PFAS: variants seen among roughly 807,000 people sequenced by gnomAD.
PFAS encodes FGAM synthase.
In PFAS, 97 loss-of-function variants were observed where a neutral mutation model predicts 140.6. The observed-to-expected ratio is 0.69, with a 90% CI of 0.59 to 0.82. The LOEUF (loss-of-function observed/expected upper bound fraction) is 0.82, where lower values mean the gene tolerates loss of function less well. PFAS is among the 40% of genes least tolerant of loss of function. The probability of loss-of-function intolerance (pLI) is 0.00; values close to 1 mark genes in which losing one functional copy is unlikely to be tolerated. For missense variants in PFAS, 1,656 were observed against 1,780.2 expected, an observed-to-expected ratio of 0.93 and a Z score of 1.26; for synonymous variants, 679 against 718.8, an observed-to-expected ratio of 0.94 and a Z score of 0.88.
intron 4 of PFAS, 65 bp from the exon 5 acceptor site, chr17:8,255,437 G>A (rs1057001913): frequency 8.1e-7 from 1 of 1,239,724 alleles, no homozygotes; most frequent in South Asian, 1.5e-5. Flanking sequence ...AGGGTAGGAA[G>A]GTGGACCATT....
Position 8,269,824 on chromosome 17 carries a change from T to C in PFAS, c.*560T>C, listed in dbSNP as rs924452901. 11 of 152,552 alleles carry C rather than the reference T, an allele frequency of 7.2e-5. No individual in the cohort carries two copies. Among genetic ancestry groups the C allele is most frequent in the African/African-American group, 2.7e-4 (11 of 41,398 alleles). 9.4% of individuals were successfully genotyped at this position (152,552 alleles called of 1,614,324 possible). A position where few individuals can be genotyped will look rare whatever the true frequency, so the allele number is the denominator to read the frequency against. On this transcript the variant is annotated 3_prime_UTR_variant, in exon 28 of 28. Coordinates refer to ENST00000314666, the MANE Select transcript of PFAS (RefSeq NM_012393.3). ...AGTTTCTCAGCGTTTCTGGCTGTCT[T>C]AGGGCTGGCCTCAGAACCCAGCATT... is the stretch of plus-strand genomic sequence containing the variant.
chr17:8,250,838 A>T (rs925853651), intron 1 of PFAS, among the ~76,000 whole-genome samples: 1 of 152,270 alleles, frequency 6.6e-6, no homozygotes, highest in Non-Finnish European at 1.5e-5. Context: ...TAGGGTTTTT[A>T]AAAAAGAGTT....
rs1989736719 is a variant in PFAS, at chr17:8,264,619, C to T, written c.2049+18C>T. The T allele has an allele frequency of 6.3e-7, 1 of 1,582,738 alleles. No individual in the cohort carries two copies. Among genetic ancestry groups the T allele is most frequent in the Admixed American group, 1.9e-5 (1 of 53,918 alleles). On this transcript the variant is annotated intron_variant, in intron 17 of 27. Coordinates refer to ENST00000314666, the MANE Select transcript of PFAS (RefSeq NM_012393.3). ...CCAATAAGGTCCTCCCTGCACCCTT[C>T]CTCTGCCCCCTGCCTCCTTCCTCCG...
chr17:8,256,847 T>G lies in PFAS; in HGVS notation c.959T>G (p.Phe320Cys). ...TCTCTCTTTGCAGGAGTATGCCCCT[T>G]TAGTGGTGCAACCACTGGCACAGGG... ...THNFPTGVCP[F>C]SGATTGTGGR... Residue 320 changes from phenylalanine (F) to cysteine (C), a missense_variant, in exon 9 of 28, where the codon TTT (phenylalanine) becomes TGT (cysteine). Phe to Cys is a radical substitution (Grantham distance 205). Coordinates refer to ENST00000314666, the MANE Select transcript of PFAS (RefSeq NM_012393.3). 1.2e-6 allele frequency: 2 copies of G among 1,607,204 alleles called. No homozygotes were observed. Among genetic ancestry groups the G allele is most frequent in the South Asian group, 1.1e-5 (1 of 89,664 alleles).
chr17:8,266,015 A>T lies in PFAS; in HGVS notation c.2699A>T (p.Lys900Ile), dbSNP rs749994871. 2 of 1,603,444 alleles carry T rather than the reference A, an allele frequency of 1.2e-6. No individual in the cohort carries two copies. Among genetic ancestry groups the T allele is most frequent in the South Asian group, 2.2e-5 (2 of 89,386 alleles). ...TTCAGCATCACTCAGGGGCTGCTGA[A>T]AGGTGAGTGAAGACCCCTGGGGAGA... The part of the protein sequence containing the change: ...RAFSITQGLL[K>I]DRLLCSGHDV... The change falls in exon 21 of 28, where the codon AAA becomes ATA. Residue 900 changes from lysine (K) to isoleucine (I), a missense_variant and splice_region_variant. By Grantham distance (102) the Lys-to-Ile change is moderately radical. Around this residue, in one of 2 missense-constraint regions of PFAS, gnomAD observed 883 missense variants for 1,023.0 expected, o/e 0.86. Coordinates refer to ENST00000314666, the MANE Select transcript of PFAS (RefSeq NM_012393.3). The surrounding 1 kb of genome is among the most constrained non-coding windows in gnomAD (Gnocchi z 5.0).
chr17:8,264,772 G>C, intron 17 of PFAS, 123 bp from the exon 18 acceptor site: 1 of 987,974 alleles, frequency 1.0e-6, no homozygotes, highest in South Asian at 1.6e-5. Context: ...CTTCTAAGTA[G>C]AGCTGTTGTC....
In PFAS at chr17:8,266,214, C is replaced by T. The variant is rs1263459205; in HGVS notation, c.2702-20C>T. The T allele has an allele frequency of 1.4e-5, 22 of 1,613,226 alleles. No individual in the cohort carries two copies. The highest frequency in any genetic ancestry group is 1.8e-5 in the Non-Finnish European group (21 of 1,179,548). ...AGGTTTGGGTCCCGAGGTTGCTGAG[C>T]TTTCTTCTCCTTCCTCCAGACCGCC... On this transcript the variant is annotated intron_variant, in intron 21 of 27. Coordinates refer to ENST00000314666, the MANE Select transcript of PFAS (RefSeq NM_012393.3). This position sits in a 1 kb window ranked among gnomAD's most constrained non-coding sequence, Gnocchi z 5.0.
rs755786686 is a variant in PFAS at position 8,256,248 on chromosome 17, C to T, written c.681-19C>T. 3 of 1,611,438 alleles carry T rather than the reference C, an allele frequency of 1.9e-6. No individual in the cohort carries two copies. The East Asian group carries it at 6.7e-5, about 36-fold the overall frequency. On this transcript the variant is annotated intron_variant, in intron 6 of 27. Coordinates refer to ENST00000314666, the MANE Select transcript of PFAS (RefSeq NM_012393.3). The stretch of plus-strand genomic sequence containing the variant: ...CCCCGTTTCCACCTGCCTTCCCCTC[C>T]CTGCATCGCCCCCTGCAGCGAGCAC...
At chr17:8,265,698 G>C (rs1394346058) in intron 20 of PFAS, 59 bp downstream of exon 20, 1 of 1,496,564 alleles carries the variant, frequency 6.7e-7, no homozygotes, top group Non-Finnish European at 9.3e-7. Flanking sequence ...TTTGGCTCCT[G>C]CTTTGTGAGT....
chr17:8,263,498 C>T, intron 13 of PFAS, 77 bp from the exon 14 acceptor site: 1 of 1,271,680 alleles, frequency 7.9e-7, no homozygotes, highest in Non-Finnish European at 1.2e-6. Context: ...ATTACAGGCC[C>T]CTTTGGAGGC....
At chr17:8,265,711 TG>T (rs1567644724) in intron 20 of PFAS, 72 bp downstream of exon 20, 1 of 1,448,084 alleles carries the variant, frequency 6.9e-7, no homozygotes, top group Non-Finnish European at 9.7e-7. Context: ...TTGTGAGTGC[TG>T]GGCCCCCATC....
At position 8,255,493 on chromosome 17, in the gene PFAS, C is replaced by T. The variant is rs551183758; in HGVS notation, c.385-9C>T. 325 of 1,511,868 alleles carry T rather than the reference C, an allele frequency of 2.1e-4. No individual in the cohort carries two copies. In the South Asian group the frequency reaches 3.9e-3, roughly 18 times the overall value. The allele number at this position is 1,511,868 out of a possible 1,614,324, so 93.7% of individuals were successfully genotyped here. A position where few individuals can be genotyped will look rare whatever the true frequency, so the allele number is the denominator to read the frequency against. On this transcript the variant is annotated splice_polypyrimidine_tract_variant and intron_variant, in intron 4 of 27. Coordinates refer to ENST00000314666, the MANE Select transcript of PFAS (RefSeq NM_012393.3). ...TCACCCCTTGCCCTCTGTGTGTCTG[C>T]ACCCCTAGTTTGCCCACCCCCCGTC...
Position 8,255,903 on chromosome 17 carries a change from T to A in PFAS, c.673T>A (p.Ser225Thr). Residue 225 changes from serine to threonine, a missense_variant, in exon 6 of 28, where the codon TCC becomes ACC. Physicochemically the swap from Ser to Thr is moderately conservative, Grantham distance 58. This residue lies in a region of PFAS where 773 missense variants were observed against 757.3 expected (regional missense o/e 1.02). Transcript: ENST00000314666. ...STVEAFDLAQ[S>T]NSEHSRHWFF... ...TGTGGAGGCCTTTGACTTGGCGCAGTCCAATAGGTGAGGAGAAATGGGGTT... is the reference window on the plus strand; with the variant it reads ...TGTGGAGGCCTTTGACTTGGCGCAGACCAATAGGTGAGGAGAAATGGGGTT... The A allele has an allele frequency of 6.2e-7, 1 of 1,611,710 alleles. No homozygotes were observed. Among genetic ancestry groups the A allele is most frequent in the South Asian group, 1.1e-5 (1 of 91,028 alleles).
intron 6 of PFAS, 120 bp downstream of exon 6, chr17:8,256,030 GCT>G: frequency 2.4e-6 from 2 of 849,534 alleles, no homozygotes; most frequent in Non-Finnish European, 3.8e-6. Context: ...GAGGGCCTGG[GCT>G]CCCGTCATCC....
chr17:8,251,097 C>T lies in PFAS; in HGVS notation c.-80+1758C>T, dbSNP rs149055308. ...GTTCAAGAGATTGAGACCATCCTGGCGAACATGGTGAAACCCCATCTCTAC... is the reference window on the plus strand; with the variant it reads ...GTTCAAGAGATTGAGACCATCCTGGTGAACATGGTGAAACCCCATCTCTAC... On this transcript the variant is annotated intron_variant, in intron 1 of 27. Transcript: ENST00000314666. 5.8e-3 allele frequency among the ~76,000 whole-genome samples: 879 copies of T among 151,952 alleles called. 8 individuals are homozygous for T. Among genetic ancestry groups the T allele is most frequent in the South Asian group, 0.037 (179 of 4,818 alleles).
At chr17:8,248,003 C>G (rs2151564166), upstream of PFAS, 2 of 1,480,612 alleles carry the variant, frequency 1.4e-6, no homozygotes, top group Non-Finnish European at 1.8e-6. Context: ...GCAGCACTCA[C>G]GGAGGAAGGG....
intron 1 of PFAS, 100 bp from the exon 2 acceptor site, chr17:8,253,759 C>A: frequency 1.3e-6 from 1 of 763,732 alleles, no homozygotes; most frequent in Non-Finnish European, 1.9e-6. Flanking sequence ...GGCTGATCTC[C>A]AACTCCTGAC....
At chr17:8,263,742 C>G (rs112902379) in intron 14 of PFAS, 33 bp from the exon 15 acceptor site, 59,435 of 1,609,636 alleles carry the variant, frequency 0.037, 1,304 homozygotes, top group Non-Finnish European at 0.043. Flanking sequence ...TGCCCACTGG[C>G]CCTTCTCTTT....
intron 11 of PFAS, among the ~76,000 whole-genome samples, chr17:8,258,831 A>G (rs568170241): frequency 1.3e-5 from 2 of 151,936 alleles, no homozygotes. Flanking sequence ...CTAAAAAAAT[A>G]AAAAAATTAG....
Sources: allele counts gnomAD v4.1 joint callset (sites outside exome capture counted in the v4.1 genomes callset), GRCh38; gene constraint gnomAD v4.1.1; regional missense constraint gnomAD v4.1.1; non-coding constraint Gnocchi (gnomAD v3.1); transcripts MANE v1.5; gene names NCBI Gene and HGNC (gene_info 2026-07-23, HGNC 2026-07-21).